Variants in MARCHF1 observed in about 807,000 individuals in gnomAD.
The protein encoded by MARCHF1 is E3 ubiquitin-protein ligase MARCHF1.
In MARCHF1, 40 loss-of-function variants were observed where a neutral mutation model predicts 54.2. The ratio of observed to expected loss-of-function variants is 0.74; its 90% CI spans 0.57 to 0.96. The LOEUF is 0.96. MARCHF1 is among the 40% of genes least tolerant of loss of function. MARCHF1 has a pLI of 0.00. For synonymous variants in MARCHF1, 236 were observed against 236.3 expected (o/e 1.00, Z 0.01); for missense variants, 586 against 656.5 (o/e 0.89, Z 1.17).
At position 164,346,622 on chromosome 4, in the gene MARCHF1, A is replaced by G. The variant is rs537602513; in HGVS notation, c.-323+37248T>C. Among the ~76,000 whole-genome samples the G allele has an allele frequency of 0.035, 165 of 4,648 alleles. 6 individuals carry two copies. The Middle Eastern group carries it at 0.38, about 11-fold the overall frequency. 3.0% of individuals were successfully genotyped at this position (4,648 alleles called of 152,430 possible). ...TATGTATGTATATATATATATATAT[A>G]TATATATATATATATATATATATAT... is the stretch of plus-strand genomic sequence containing the variant. On this transcript the variant is annotated intron_variant, in intron 1 of 9. Coordinates refer to ENST00000514618, the MANE Select transcript of MARCHF1 (RefSeq NM_001394959.1).
intron 1 of MARCHF1, among the ~76,000 whole-genome samples, chr4:164,380,483 C>G (rs1186970596): frequency 2.6e-5 from 4 of 152,066 alleles, no homozygotes; most frequent in Non-Finnish European, 1.5e-5. Flanking sequence ...ATGACAAAGT[C>G]AAAAGTAGAA....
intron 8 of MARCHF1, among the ~76,000 whole-genome samples, chr4:163,575,448 T>G (rs1337135229): frequency 6.6e-6 from 1 of 152,124 alleles, no homozygotes. Context: ...CTGTTGCATT[T>G]AGTTTGCTAA....
intron 1 of MARCHF1, among the ~76,000 whole-genome samples, chr4:164,338,593 A>G (rs551320010): frequency 4.1e-4 from 63 of 152,348 alleles, no homozygotes; most frequent in Admixed American, 1.3e-3. Flanking sequence ...AAACAAAAAA[A>G]GAGCAGGGGT....
rs140168653 is a variant in MARCHF1 at position 163,815,888 on chromosome 4, A to G, written c.111+38133T>C. On this transcript the variant is annotated intron_variant, in intron 4 of 9. Transcript: ENST00000514618. Reference sequence around the variant, plus strand: ...CCAACCAAATGAACATAAAAATAGCATACATCTTTTTCAATAATCTTAACT... The same window carrying G: ...CCAACCAAATGAACATAAAAATAGCGTACATCTTTTTCAATAATCTTAACT... 7.9e-3 allele frequency among the ~76,000 whole-genome samples: 1,196 copies of G among 152,296 alleles called. 14 individuals carry two copies. Among genetic ancestry groups the G allele is most frequent in the African/African-American group, 0.028 (1,148 of 41,554 alleles).
At chr4:164,175,101 C>A (rs993843833) in intron 1 of MARCHF1, among the ~76,000 whole-genome samples, 17 of 152,228 alleles carry the variant, frequency 1.1e-4, no homozygotes, top group African/African-American at 4.1e-4. Flanking sequence ...CAAACCTCAA[C>A]CTATTTAAGC....
At chr4:164,293,061 T>C (rs1457743501) in intron 1 of MARCHF1, among the ~76,000 whole-genome samples, 1 of 152,172 alleles carries the variant, frequency 6.6e-6, no homozygotes, top group African/African-American at 2.4e-5. Context: ...ACCAATGATT[T>C]TTATTGTTTC....
chr4:164,168,748 C>A (rs751349711), intron 1 of MARCHF1, among the ~76,000 whole-genome samples: 2 of 151,948 alleles, frequency 1.3e-5, no homozygotes, highest in Non-Finnish European at 2.9e-5. Flanking sequence ...GGGGTGCCAA[C>A]CTTATCCACA....
chr4:163,862,135 G>A (rs1437999926), intron 3 of MARCHF1, among the ~76,000 whole-genome samples: 4 of 152,002 alleles, frequency 2.6e-5, no homozygotes, highest in Non-Finnish European at 4.4e-5. Flanking sequence ...AAATGTGGGT[G>A]ACCTTGGGTT....
chr4:163,613,458 T>C (rs1287085760), intron 5 of MARCHF1, 65 bp from the exon 6 acceptor site: 2 of 1,612,678 alleles, frequency 1.2e-6, no homozygotes, highest in Non-Finnish European at 1.7e-6. Context: ...TATCTTGCTT[T>C]TTTTCCACAT....
At chr4:163,623,904 A>G (rs890731268) in intron 5 of MARCHF1, among the ~76,000 whole-genome samples, 1 of 152,098 alleles carries the variant, frequency 6.6e-6, no homozygotes, top group Non-Finnish European at 1.5e-5. Context: ...GGCAGTTGAT[A>G]CTAGAAATAG....
intron 4 of MARCHF1, among the ~76,000 whole-genome samples, chr4:163,790,267 C>T (rs923246518): frequency 6.6e-6 from 1 of 152,064 alleles, no homozygotes; most frequent in African/African-American, 2.4e-5. Context: ...CAAAAAGTCA[C>T]GTAAGCCTTT....
At chr4:163,958,515 T>C (rs1752277135) in intron 3 of MARCHF1, among the ~76,000 whole-genome samples, 1 of 152,050 alleles carries the variant, frequency 6.6e-6, no homozygotes, top group Non-Finnish European at 1.5e-5. Flanking sequence ...TGTCATACAT[T>C]GTTTCCTTAA....
At chr4:164,267,217 G>A (rs971906940) in intron 1 of MARCHF1, among the ~76,000 whole-genome samples, 4 of 152,186 alleles carry the variant, frequency 2.6e-5, no homozygotes, top group African/African-American at 9.7e-5. Flanking sequence ...TATTGTGGCT[G>A]CTACCAGAAT....
chr4:164,030,278 C>A (rs1296550922), intron 2 of MARCHF1, among the ~76,000 whole-genome samples: 1 of 151,506 alleles, frequency 6.6e-6, no homozygotes, highest in African/African-American at 2.4e-5. Context: ...TAAAATCTAG[C>A]TTAATATTTT....
At chr4:163,914,228 A>C (rs1314452081) in intron 3 of MARCHF1, among the ~76,000 whole-genome samples, 2 of 152,174 alleles carry the variant, frequency 1.3e-5, no homozygotes, top group African/African-American at 2.4e-5. Flanking sequence ...AACCACTGAC[A>C]ATAAAATAAA....
chr4:164,025,099 A>G (rs1309435251), intron 2 of MARCHF1, among the ~76,000 whole-genome samples: 1 of 152,146 alleles, frequency 6.6e-6, no homozygotes, highest in Non-Finnish European at 1.5e-5. Context: ...CAAAAAGACA[A>G]GCTCTTCTTG....
At chr4:164,179,866 T>C (rs897580810) in intron 1 of MARCHF1, among the ~76,000 whole-genome samples, 1 of 151,198 alleles carries the variant, frequency 6.6e-6, no homozygotes, top group Non-Finnish European at 1.5e-5. Context: ...GAAGAAAATT[T>C]TGCTCAGTCT....
At chr4:164,005,221 C>A (rs981285784) in intron 2 of MARCHF1, among the ~76,000 whole-genome samples, 11 of 152,086 alleles carry the variant, frequency 7.2e-5, no homozygotes, top group Non-Finnish European at 1.6e-4. Flanking sequence ...ATTTAAATTT[C>A]TTTAAAAATG....
At chr4:163,893,001 A>T (rs556484958) in intron 3 of MARCHF1, among the ~76,000 whole-genome samples, 24 of 152,260 alleles carry the variant, frequency 1.6e-4, no homozygotes, top group African/African-American at 5.1e-4. Context: ...AACGACCCTG[A>T]ACTTAGGCAA....
Sources: gnomAD v4.1 joint callset for allele counts (sites outside exome capture counted in the v4.1 genomes callset) on GRCh38, gnomAD v4.1.1 for gene constraint, MANE v1.5 for transcripts, NCBI Gene and HGNC (gene_info 2026-07-23, HGNC 2026-07-21) for gene names.